The following SSBP3 variants were observed in gnomAD, a reference collection of about 807,000 sequenced individuals.
SSBP3 encodes the protein single-stranded DNA-binding protein 3.
Under a neutral mutation model 69.6 loss-of-function variants are expected in SSBP3, and 5 were observed. That is an observed-to-expected ratio of 0.07 (90% CI 0.04 to 0.15). SSBP3 has a LOEUF of 0.15. Ranked by LOEUF, SSBP3 falls within the 10% of genes least tolerant of loss-of-function variation. The pLI, the probability that SSBP3 is intolerant of heterozygous loss-of-function variation, is 1.00. For missense variants in SSBP3, 312 were observed against 534.0 expected, an observed-to-expected ratio of 0.58 and a Z score of 4.10; for synonymous variants, 196 against 193.4, an observed-to-expected ratio of 1.01 and a Z score of -0.11.
In SSBP3 at chr1:54,351,671, A is replaced by G. The variant is rs530133497; in HGVS notation, c.276+50190T>C. On this transcript the variant is annotated intron_variant, in intron 4 of 17. Transcript: ENST00000610401. The stretch of plus-strand genomic sequence containing the variant: ...CCTCTGGCGTGTGGGATATTCACCT[A>G]AGACAGGGTTCCTCAACAGGCCAAG... 3.0e-3 allele frequency among the ~76,000 whole-genome samples: 450 copies of G among 152,346 alleles called. 5 individuals carry two copies. The highest frequency in any genetic ancestry group is 0.01 in the African/African-American group (426 of 41,578).
intron 3 of SSBP3, among the ~76,000 whole-genome samples, chr1:54,402,809 C>T (rs1649406139): frequency 6.6e-6 from 1 of 152,154 alleles, no homozygotes. Flanking sequence ...CCTATGTCAA[C>T]CAATAAAGCC....
chr1:54,408,799 AAG>A (rs1649916876), upstream of SSBP3, among the ~76,000 whole-genome samples: 1 of 152,168 alleles, frequency 6.6e-6, no homozygotes, highest in Non-Finnish European at 1.5e-5. Flanking sequence ...ATGTGGCAAG[AAG>A]AGAGGGGTAG....
At chr1:54,292,418 G>C (rs1454427194) in intron 4 of SSBP3, among the ~76,000 whole-genome samples, 1 of 152,160 alleles carries the variant, frequency 6.6e-6, no homozygotes, top group East Asian at 1.9e-4. Context: ...ATGACAGGGT[G>C]GGTGAGCCCC....
chr1:54,339,239 G>A (rs1463082099), intron 4 of SSBP3, among the ~76,000 whole-genome samples: 2 of 152,214 alleles, frequency 1.3e-5, no homozygotes, highest in African/African-American at 4.8e-5. Context: ...TACTAGGAAT[G>A]TTAAGGATTA....
intron 4 of SSBP3, among the ~76,000 whole-genome samples, chr1:54,398,461 C>G (rs1649054515): frequency 6.6e-6 from 1 of 152,138 alleles, no homozygotes; most frequent in Admixed American, 6.5e-5. Flanking sequence ...GAGAAGGCAC[C>G]AAAGACACTT....
At chr1:54,404,737 G>T in intron 2 of SSBP3, 100 bp from the exon 3 acceptor site, 1 of 1,402,084 alleles carries the variant, frequency 7.1e-7, no homozygotes, top group Non-Finnish European at 9.9e-7. Context: ...AACAATAAAT[G>T]CCAAAAGGTG....
chr1:54,400,930 A>T (rs1449260700), intron 4 of SSBP3, among the ~76,000 whole-genome samples: 4 of 152,208 alleles, frequency 2.6e-5, no homozygotes, highest in Non-Finnish European at 5.9e-5. Context: ...GTTTCCCAGG[A>T]TCATTCCTAC....
rs1046436328 is a variant in SSBP3, at chr1:54,241,374, G to C, written c.801+100C>G. 4.6e-5 allele frequency: 59 copies of C among 1,289,434 alleles called. No homozygotes were observed. The Middle Eastern group carries it at 7.3e-4, about 16-fold the overall frequency. 79.9% of individuals were successfully genotyped at this position (1,289,434 alleles called of 1,614,324 possible). A position where few individuals can be genotyped will look rare whatever the true frequency, so the allele number is the denominator to read the frequency against. ...AGCAGTTTGGAACCTCTGCTCAGAA[G>C]AATGTGTGAAAGGGAAAGAAACGGG... On this transcript the variant is annotated intron_variant, in intron 12 of 17. Coordinates refer to ENST00000610401, the Ensembl canonical transcript of SSBP3.
chr1:54,404,013 T>C (rs1570073038), intron 3 of SSBP3, among the ~76,000 whole-genome samples: 1 of 109,970 alleles, frequency 9.1e-6, no homozygotes, highest in South Asian at 3.6e-4. Flanking sequence ...TTTGTGGTTT[T>C]AGTGGGGGAG....
intron 4 of SSBP3, among the ~76,000 whole-genome samples, chr1:54,381,687 T>C (rs1212590197): frequency 6.6e-6 from 1 of 152,172 alleles, no homozygotes; most frequent in East Asian, 1.9e-4. Flanking sequence ...AGGTATCATT[T>C]ACCACCACTT....
intron 7 of SSBP3, among the ~76,000 whole-genome samples, chr1:54,253,638 C>T (rs1050079259): frequency 6.6e-6 from 1 of 152,206 alleles, no homozygotes; most frequent in Non-Finnish European, 1.5e-5. Context: ...CTCTGAATCA[C>T]TTGGCTGGTT....
At chr1:54,235,792 T>C (rs993077450) in intron 14 of SSBP3, among the ~76,000 whole-genome samples, 7 of 152,198 alleles carry the variant, frequency 4.6e-5, no homozygotes, top group African/African-American at 1.7e-4. Flanking sequence ...ATGGATGTTA[T>C]AAATTAAAAT....
intron 10 of SSBP3, 42 bp downstream of exon 10, chr1:54,243,193 G>A (rs375165834): frequency 6.3e-7 from 1 of 1,589,476 alleles, no homozygotes; most frequent in South Asian, 1.1e-5. Context: ...GGTGGGGGAA[G>A]ACCTGGACTC....
chr1:54,299,923 A>G (rs890162159), intron 4 of SSBP3, among the ~76,000 whole-genome samples: 1 of 152,066 alleles, frequency 6.6e-6, no homozygotes, highest in African/African-American at 2.4e-5. Flanking sequence ...CCACCGACAT[A>G]ATTCCTCCTT....
chr1:54,405,005 A>C (rs537103000), intron 1 of SSBP3, 75 bp from the exon 2 acceptor site: 2 of 1,369,870 alleles, frequency 1.5e-6, no homozygotes, highest in East Asian at 4.7e-5. Flanking sequence ...GGACCTTGCC[A>C]GCAGGCTTTG....
intron 4 of SSBP3, among the ~76,000 whole-genome samples, chr1:54,356,246 A>G (rs558766058): frequency 6.6e-6 from 1 of 152,154 alleles, no homozygotes; most frequent in Non-Finnish European, 1.5e-5. Flanking sequence ...GCGTTTTTAC[A>G]AATTAAAGCA....
Position 54,252,544 on chromosome 1 carries a change from ACAGGTGGCCACTAGGAGAGGGG to A in SSBP3, c.508-706_508-685del, listed in dbSNP as rs1377484638. ...GGGACAGGTGGCCACTAGGAGAGGG[ACAGGTGGCCACTAGGAGAGGGG>A]CAGGGGTACTAGACGAGAACCCGGC... is the stretch of plus-strand genomic sequence containing the variant. On this transcript the variant is annotated intron_variant, in intron 7 of 17. Transcript: ENST00000610401. Among the ~76,000 whole-genome samples, 238 of 61,044 alleles carry A rather than the reference ACAGGTGGCCACTAGGAGAGGGG, an allele frequency of 3.9e-3. 1 individual carries two copies. Among genetic ancestry groups the A allele is most frequent in the Middle Eastern group, 0.028 (4 of 142 alleles). 40.0% of individuals were successfully genotyped at this position (61,044 alleles called of 152,430 possible).
At chr1:54,251,084 C>T (rs190540504) in intron 9 of SSBP3, among the ~76,000 whole-genome samples, 6 of 152,310 alleles carry the variant, frequency 3.9e-5, no homozygotes, top group Admixed American at 2.0e-4. Flanking sequence ...CAGAGAATCG[C>T]GGACACAGTC....
intron 4 of SSBP3, among the ~76,000 whole-genome samples, chr1:54,357,437 G>A (rs1646886734): frequency 1.3e-5 from 2 of 152,236 alleles, no homozygotes; most frequent in African/African-American, 4.8e-5. Flanking sequence ...GGGGCTGGGG[G>A]TAGGGTGTAC....
Sources: allele counts gnomAD v4.1 joint callset (sites outside exome capture counted in the v4.1 genomes callset), GRCh38; gene constraint gnomAD v4.1.1; transcripts MANE v1.5; gene names NCBI Gene and HGNC (gene_info 2026-07-23, HGNC 2026-07-21).